Variants in MAP4K3 observed in about 807,000 individuals in gnomAD.
MAP4K3 encodes the protein mitogen-activated protein kinase kinase kinase kinase 3, also known as MAPK/ERK kinase kinase kinase 3.
A neutral mutation model predicts 143.5 loss-of-function variants in MAP4K3; 94 were observed. The ratio of observed to expected loss-of-function variants is 0.65; its 90% CI spans 0.55 to 0.78. MAP4K3 has a LOEUF of 0.78. MAP4K3 is among the 30% of genes least tolerant of loss of function. The pLI, the probability that MAP4K3 is intolerant of heterozygous loss-of-function variation, is 0.00. For synonymous variants in MAP4K3, 416 were observed against 347.2 expected (o/e 1.20, Z -2.20); for missense variants, 1,077 against 1,068.1 (o/e 1.01, Z -0.12).
intron 1 of MAP4K3, among the ~76,000 whole-genome samples, chr2:39,389,985 T>C (rs1431906318): frequency 6.6e-6 from 1 of 152,194 alleles, no homozygotes; most frequent in Admixed American, 6.5e-5. Context: ...GAAGACTTTA[T>C]ACAGTTTGCG....
At chr2:39,276,026 C>A (rs887430150) in intron 24 of MAP4K3, among the ~76,000 whole-genome samples, 2 of 152,034 alleles carry the variant, frequency 1.3e-5, no homozygotes, top group Non-Finnish European at 2.9e-5. Context: ...CTGCACATGA[C>A]CATGCTTGGC....
chr2:39,267,874 C>T (rs988280632), intron 26 of MAP4K3, among the ~76,000 whole-genome samples: 13 of 151,844 alleles, frequency 8.6e-5, no homozygotes, highest in African/African-American at 3.1e-4. Flanking sequence ...GCTTTTTTGC[C>T]CCCACTGATT....
intron 26 of MAP4K3, among the ~76,000 whole-genome samples, chr2:39,269,081 G>A (rs1209766211): frequency 1.3e-5 from 2 of 149,918 alleles, no homozygotes; most frequent in African/African-American, 4.9e-5. Context: ...ATTTGCCAAA[G>A]ATTAGATAGA....
intron 24 of MAP4K3, among the ~76,000 whole-genome samples, chr2:39,272,926 C>T (rs10153665): frequency 0.8 from 121,239 of 151,810 alleles, 50,393 homozygotes; most frequent in Non-Finnish European, 0.91. Flanking sequence ...TATCTAGGCA[C>T]AATATGCATT....
At chr2:39,421,828 A>T (rs983529876) in intron 1 of MAP4K3, among the ~76,000 whole-genome samples, 1 of 152,002 alleles carries the variant, frequency 6.6e-6, no homozygotes, top group Non-Finnish European at 1.5e-5. Context: ...TTTCACCTCA[A>T]CTACAGTGCC....
chr2:39,306,541 G>C (rs1385135327), intron 15 of MAP4K3, among the ~76,000 whole-genome samples: 1 of 152,020 alleles, frequency 6.6e-6, no homozygotes, highest in Non-Finnish European at 1.5e-5. Flanking sequence ...CCAGTTTTTT[G>C]CACTGTTTCT....
intron 7 of MAP4K3, 146 bp downstream of exon 7, chr2:39,333,386 G>A: frequency 1.6e-6 from 1 of 628,116 alleles, no homozygotes; most frequent in Non-Finnish European, 2.9e-6. Context: ...GATGCAGAGA[G>A]GTGACAGCAT....
rs1307992874 is a variant in MAP4K3 at position 39,278,407 on chromosome 2, C to T, written c.1794G>A (p.Gln598=). The T allele has an allele frequency of 1.3e-6, 2 of 1,553,858 alleles. No individual in the cohort carries two copies. The highest frequency in any genetic ancestry group is 1.8e-6 in the Non-Finnish European group (2 of 1,140,460). ...LNELHETSME[Q]LFPRRCTWLY... ...AAAAAGAATATACAAAATAACATAC[C>T]TGTTCCATTGATGTTTCATGAAGTT... The change falls in exon 24 of 34, where the codon CAG becomes CAA. Residue 598 remains glutamine (Q), a splice_region_variant and synonymous_variant. Coordinates refer to ENST00000263881, the MANE Select transcript of MAP4K3 (RefSeq NM_003618.4).
chr2:39,369,369 A>G (rs1287161115), intron 2 of MAP4K3, among the ~76,000 whole-genome samples: 7 of 150,334 alleles, frequency 4.7e-5, no homozygotes, highest in Non-Finnish European at 1.0e-4. Context: ...CTGATCGTGA[A>G]CTCCTGACCT....
chr2:39,393,753 T>C (rs1015276183), intron 1 of MAP4K3, among the ~76,000 whole-genome samples: 21 of 152,150 alleles, frequency 1.4e-4, no homozygotes, highest in African/African-American at 4.3e-4. Context: ...TCCAGGACCC[T>C]TGAGTGTACC....
At chr2:39,325,447 T>C (rs1683455517) in intron 12 of MAP4K3, 71 bp downstream of exon 12, 1 of 1,009,628 alleles carries the variant, frequency 9.9e-7, no homozygotes, top group South Asian at 1.8e-5. Flanking sequence ...TTTTGAGACG[T>C]ACATACAGAC....
chr2:39,387,867 T>C (rs1324800268), intron 1 of MAP4K3, among the ~76,000 whole-genome samples: 1 of 152,220 alleles, frequency 6.6e-6, no homozygotes, highest in Non-Finnish European at 1.5e-5. Context: ...TCTACATTTC[T>C]AGGACTACCT....
intron 27 of MAP4K3, 78 bp downstream of exon 27, chr2:39,267,111 G>C (rs1558609809): frequency 7.6e-7 from 1 of 1,314,824 alleles, no homozygotes; most frequent in Non-Finnish European, 1.1e-6. Context: ...CTGGCAGAAT[G>C]CCCTGGGGTA....
At chr2:39,382,476 C>G (rs1470059688) in intron 1 of MAP4K3, among the ~76,000 whole-genome samples, 1 of 152,186 alleles carries the variant, frequency 6.6e-6, no homozygotes, top group Non-Finnish European at 1.5e-5. Flanking sequence ...AGTAATTTCC[C>G]TTGTGTCTTC....
chr2:39,292,341 A>G (rs1300398131), intron 18 of MAP4K3, among the ~76,000 whole-genome samples: 1 of 152,218 alleles, frequency 6.6e-6, no homozygotes, highest in East Asian at 1.9e-4. Flanking sequence ...TTAGGAAGTA[A>G]TTAAGCTTAA....
chr2:39,358,592 A>G (rs980827601), intron 2 of MAP4K3, among the ~76,000 whole-genome samples: 3 of 152,180 alleles, frequency 2.0e-5, no homozygotes, highest in Non-Finnish European at 2.9e-5. Flanking sequence ...AGTCAACTCT[A>G]TGTGATTGTG....
intron 8 of MAP4K3, among the ~76,000 whole-genome samples, chr2:39,326,640 G>A (rs969966129): frequency 1.3e-5 from 2 of 152,152 alleles, no homozygotes; most frequent in African/African-American, 4.8e-5. Context: ...TGCAATTTGG[G>A]GGGTGGGCAG....
chr2:39,326,018 A>G, intron 9 of MAP4K3, 57 bp from the exon 10 acceptor site: 1 of 1,494,086 alleles, frequency 6.7e-7, no homozygotes, highest in Non-Finnish European at 9.2e-7. Context: ...TTTATCTATT[A>G]CACAAATTCT....
At chr2:39,263,269 GA>G (rs1384034955) in intron 28 of MAP4K3, among the ~76,000 whole-genome samples, 19 of 150,152 alleles carry the variant, frequency 1.3e-4, no homozygotes, top group Non-Finnish European at 2.1e-4. Context: ...TATACATATA[GA>G]AGTTTTTTTT....
Sources: gnomAD v4.1 joint callset for allele counts (sites outside exome capture counted in the v4.1 genomes callset) on GRCh38, gnomAD v4.1.1 for gene constraint, MANE v1.5 for transcripts, NCBI Gene and HGNC (gene_info 2026-07-23, HGNC 2026-07-21) for gene names.